Variants in HDAC4 observed in about 807,000 individuals in gnomAD.
The protein encoded by HDAC4 is histone deacetylase 4, also known as histone deacetylase A.
Under a neutral mutation model 135.1 loss-of-function variants are expected in HDAC4, and 16 were observed. The observed-to-expected ratio is 0.12, with a 90% confidence interval of 0.08 to 0.18. The LOEUF is 0.18. Among genes scored for constraint, HDAC4 ranks in the 10% least tolerant of loss-of-function variants. The probability of loss-of-function intolerance (pLI) is 1.00; values close to 1 mark genes in which losing one functional copy is unlikely to be tolerated. For missense variants in HDAC4, 1,143 were observed against 1,511.8 expected, an observed-to-expected ratio of 0.76 and a Z score of 4.05; for synonymous variants, 685 against 653.4, an observed-to-expected ratio of 1.05 and a Z score of -0.74.
chr2:239,244,895 C>T (rs574724479), intron 2 of HDAC4, among the ~76,000 whole-genome samples: 145 of 152,306 alleles, frequency 9.5e-4, no homozygotes, highest in African/African-American at 3.2e-3. Flanking sequence ...CCCACCCAAC[C>T]GGCCCTCCCT....
At chr2:239,053,435 G>A in intron 26 of HDAC4, 25 bp downstream of exon 26, 2 of 1,609,102 alleles carry the variant, frequency 1.2e-6, no homozygotes, top group South Asian at 2.2e-5. Context: ...TGAGCCTGCA[G>A]GCGGGCGGCA....
intron 1 of HDAC4, among the ~76,000 whole-genome samples, chr2:239,355,272 A>T (rs1455997942): frequency 6.6e-6 from 1 of 152,176 alleles, no homozygotes; most frequent in Non-Finnish European, 1.5e-5. Context: ...GCTTCTTCAG[A>T]GTTCCTATGC....
chr2:239,140,419 G>A (rs918773556), intron 8 of HDAC4, among the ~76,000 whole-genome samples: 17 of 152,086 alleles, frequency 1.1e-4, no homozygotes, highest in African/African-American at 4.1e-4. Context: ...CTTCCAAAAG[G>A]GGCCACGTCC....
At chr2:239,249,297 C>A (rs559275310) in intron 2 of HDAC4, among the ~76,000 whole-genome samples, 2 of 152,140 alleles carry the variant, frequency 1.3e-5, no homozygotes, top group African/African-American at 4.8e-5. Flanking sequence ...AGCCACCATG[C>A]GGAGTGTCGC....
intron 9 of HDAC4, among the ~76,000 whole-genome samples, chr2:239,136,181 C>G (rs896878263): frequency 6.6e-6 from 1 of 152,120 alleles, no homozygotes; most frequent in Non-Finnish European, 1.5e-5. Flanking sequence ...AGATAGAAAT[C>G]CCCTTGCCAG....
chr2:239,233,702 C>T lies in HDAC4; in HGVS notation c.94+2891G>A, dbSNP rs866773738. Among the ~76,000 whole-genome samples the T allele has an allele frequency of 3.1e-4, 47 of 152,298 alleles. No homozygotes were observed. In the Middle Eastern group the frequency reaches 0.01, roughly 33 times the overall value. On this transcript the variant is annotated intron_variant, in intron 3 of 26. Coordinates refer to ENST00000543185, the MANE Select transcript of HDAC4 (RefSeq NM_001378414.1). ...AGAAAAAGACCTGTGTTGAACATAA[C>T]GGCATTCACACGAGGGAATGGTCAG...
chr2:239,291,747 A>G (rs1308897233), intron 2 of HDAC4, among the ~76,000 whole-genome samples: 1 of 152,162 alleles, frequency 6.6e-6, no homozygotes, highest in East Asian at 1.9e-4. Flanking sequence ...AGAGCTTCTT[A>G]TTTGGTTCTT....
chr2:239,259,514 A>G (rs1415969870), intron 2 of HDAC4, among the ~76,000 whole-genome samples: 2 of 152,244 alleles, frequency 1.3e-5, no homozygotes, highest in Non-Finnish European at 2.9e-5. Context: ...CCAAAGGGAA[A>G]TTGGGTAATA....
intron 24 of HDAC4, among the ~76,000 whole-genome samples, chr2:239,065,372 A>G (rs2033340508): frequency 6.6e-6 from 1 of 152,240 alleles, no homozygotes; most frequent in African/African-American, 2.4e-5. Context: ...CTGCTGTCCC[A>G]CTGGTTCCCC....
In HDAC4 at chr2:239,050,355, G is replaced by A. The variant is rs2030649746; in HGVS notation, c.*2742C>T. On this transcript the variant is annotated 3_prime_UTR_variant, in exon 27 of 27. Coordinates refer to ENST00000543185, the MANE Select transcript of HDAC4 (RefSeq NM_001378414.1). ...CCCCATAAGCCACGGCGGGGTAAGA[G>A]GGCAGGTGGCAGGATCCCCAGAGGG... is the stretch of plus-strand genomic sequence containing the variant. 6.6e-6 allele frequency: 1 copy of A among 152,246 alleles called. No individual in the cohort carries two copies. The highest frequency in any genetic ancestry group is 1.5e-5 in the Non-Finnish European group (1 of 68,068). 9.4% of individuals were successfully genotyped at this position (152,246 alleles called of 1,614,324 possible). A position where few individuals can be genotyped will look rare whatever the true frequency, so the allele number is the denominator to read the frequency against.
At chr2:239,110,419 C>A (rs2038565877) in intron 14 of HDAC4, among the ~76,000 whole-genome samples, 1 of 152,210 alleles carries the variant, frequency 6.6e-6, no homozygotes, top group Non-Finnish European at 1.5e-5. Context: ...TGACTGGGGT[C>A]TCCCTTGTCT....
Position 239,095,022 on chromosome 2 carries a change from G to A in HDAC4, c.2268C>T (p.Cys756=), listed in dbSNP as rs761855193. 5.0e-6 allele frequency: 8 copies of A among 1,613,874 alleles called. No homozygotes were observed. The highest frequency in any genetic ancestry group is 2.2e-5 in the East Asian group (1 of 44,884). The part of the protein sequence containing the change: ...SLASVFVRLP[C]GGVGVDSDTI... ...AAGGAACACTTACCCCAACACCACCGCAAGGGAGCCGGACGAACACGGAGG... is the reference window on the plus strand; with the variant it reads ...AAGGAACACTTACCCCAACACCACCACAAGGGAGCCGGACGAACACGGAGG... Residue 756 remains cysteine, a synonymous_variant, in exon 17 of 27, where the codon TGC becomes TGT. Transcript: ENST00000543185.
chr2:239,076,855 C>A (rs947548321), intron 22 of HDAC4, among the ~76,000 whole-genome samples: 2 of 152,190 alleles, frequency 1.3e-5, no homozygotes, highest in Admixed American at 6.5e-5. Context: ...CATCCACCCC[C>A]ACCTGAACCT....
At chr2:239,347,993 G>A (rs1480414702) in intron 2 of HDAC4, among the ~76,000 whole-genome samples, 5 of 140,018 alleles carry the variant, frequency 3.6e-5, no homozygotes, top group Admixed American at 7.2e-5. Context: ...GCTTCCTATC[G>A]AGAGCATCAT....
intron 2 of HDAC4, among the ~76,000 whole-genome samples, chr2:239,293,354 C>A (rs1189719034): frequency 6.6e-6 from 1 of 152,210 alleles, no homozygotes; most frequent in Non-Finnish European, 1.5e-5. Context: ...CCCCTGCCCT[C>A]GGTTTTTATG....
At chr2:239,272,569 C>A (rs1291232512) in intron 2 of HDAC4, among the ~76,000 whole-genome samples, 1 of 152,240 alleles carries the variant, frequency 6.6e-6, no homozygotes, top group Non-Finnish European at 1.5e-5. Flanking sequence ...ACTGTCATCA[C>A]TAGTTGTTAA....
At chr2:239,275,328 G>A (rs560511803) in intron 2 of HDAC4, among the ~76,000 whole-genome samples, 2 of 152,234 alleles carry the variant, frequency 1.3e-5, no homozygotes, top group African/African-American at 2.4e-5. Context: ...TTTGATTGAC[G>A]CAAATCAAGA....
intron 1 of HDAC4, among the ~76,000 whole-genome samples, chr2:239,357,485 CAG>C (rs1693567609): frequency 6.6e-6 from 1 of 150,424 alleles, no homozygotes; most frequent in African/African-American, 2.4e-5. Flanking sequence ...GACAACAGAA[CAG>C]AGAAAAATCA....
chr2:239,361,981 T>C (rs967588158), intron 1 of HDAC4, among the ~76,000 whole-genome samples: 2 of 152,240 alleles, frequency 1.3e-5, no homozygotes, highest in Non-Finnish European at 2.9e-5. Flanking sequence ...TGAAGGACGT[T>C]TGAAATGTGT....
Sources: gnomAD v4.1 joint callset for allele counts (sites outside exome capture counted in the v4.1 genomes callset) on GRCh38, gnomAD v4.1.1 for gene constraint, MANE v1.5 for transcripts, NCBI Gene and HGNC (gene_info 2026-07-23, HGNC 2026-07-21) for gene names.